Variants in ZNG1B observed in about 807,000 individuals in gnomAD.
ZNG1B encodes Zn regulated GTPase metalloprotein activator 1B.
the ZNG1B span, among the ~76,000 whole-genome samples, chr2:113,475,826 C>G: frequency 6.6e-6 from 1 of 152,178 alleles, no homozygotes; most frequent in African/African-American, 2.4e-5. Flanking sequence ...CCCCCACTCT[C>G]TTCTGGCTTG....
At chr2:113,471,049 G>A in the ZNG1B span, 13,023 of 1,583,284 alleles carry the variant, frequency 8.2e-3, 873 homozygotes, top group African/African-American at 0.16. Context: ...TCTCTCTAAT[G>A]TATTAGATCT....
chr2:113,446,696 G>A, the ZNG1B span, among the ~76,000 whole-genome samples: 6 of 151,318 alleles, frequency 4.0e-5, no homozygotes, highest in African/African-American at 9.7e-5. Flanking sequence ...GCGGTGAGCC[G>A]AGATCACGCC....
At chr2:113,481,813 G>GAATACTAGCAA in the ZNG1B span, 1 of 187,692 alleles carries the variant, frequency 5.3e-6, no homozygotes, top group Non-Finnish European at 1.1e-5. Context: ...GAAAGTTAAG[G>GAATACTAGCAA]AACTCTGAGC....
At chr2:113,458,410 T>G in the ZNG1B span, among the ~76,000 whole-genome samples, 1 of 151,994 alleles carries the variant, frequency 6.6e-6, no homozygotes, top group Admixed American at 6.6e-5. Flanking sequence ...CATTTATCTC[T>G]TCTGCTATAA....
the ZNG1B span, among the ~76,000 whole-genome samples, chr2:113,474,766 C>T: frequency 2.6e-5 from 4 of 152,100 alleles, no homozygotes; most frequent in Non-Finnish European, 5.9e-5. Context: ...CATTCAGGAG[C>T]AGGTTGTTCG....
the ZNG1B span, chr2:113,453,115 T>C: frequency 1.3e-6 from 2 of 1,563,828 alleles, no homozygotes; most frequent in East Asian, 2.2e-5. Flanking sequence ...ATATTTTTAT[T>C]TGATGAATAT....
chr2:113,477,348 A>G, the ZNG1B span, among the ~76,000 whole-genome samples: 1 of 152,118 alleles, frequency 6.6e-6, no homozygotes, highest in Non-Finnish European at 1.5e-5. Context: ...GCGCTTCCCA[A>G]GTGAGGCAAT....
At chr2:113,488,603 TA>T in the ZNG1B span, among the ~76,000 whole-genome samples, 35,416 of 126,936 alleles carry the variant, frequency 0.28, 4,468 homozygotes, top group East Asian at 0.54. Flanking sequence ...TGTAAAGATA[TA>T]AAAAAAAAAA....
At chr2:113,453,287 A>G in the ZNG1B span, 42 of 1,569,228 alleles carry the variant, frequency 2.7e-5, no homozygotes, top group Non-Finnish European at 3.5e-5. Context: ...TTTGTTGCCC[A>G]GACTGGAGTG....
chr2:113,467,513 G>A, the ZNG1B span, among the ~76,000 whole-genome samples: 4 of 96,672 alleles, frequency 4.1e-5, no homozygotes, highest in South Asian at 1.5e-3. Context: ...AGCATTTTAA[G>A]GACTATATAA....
the ZNG1B span, chr2:113,445,544 A>G: frequency 6.4e-6 from 1 of 155,102 alleles, no homozygotes; most frequent in African/African-American, 2.4e-5. Context: ...AATACAATGT[A>G]AGTGCTGTGT....
At chr2:113,483,295 G>T in the ZNG1B span, among the ~76,000 whole-genome samples, 4 of 151,352 alleles carry the variant, frequency 2.6e-5, no homozygotes, top group Admixed American at 2.6e-4. Context: ...ATAGAGCCTC[G>T]AATGAACCTC....
At chr2:113,487,006 A>G in the ZNG1B span, among the ~76,000 whole-genome samples, 1 of 144,238 alleles carries the variant, frequency 6.9e-6, no homozygotes, top group South Asian at 2.2e-4. Context: ...TAAAAAGTGC[A>G]TATTATTATT....
At chr2:113,440,665 T>C in the ZNG1B span, among the ~76,000 whole-genome samples, 3 of 151,000 alleles carry the variant, frequency 2.0e-5, no homozygotes, top group Admixed American at 6.6e-5. Flanking sequence ...ATAGCCTACA[T>C]GTAAAAGTTT....
chr2:113,447,284 A>C, the ZNG1B span: 1 of 67,092 alleles, frequency 1.5e-5, no homozygotes, highest in East Asian at 3.7e-4. Flanking sequence ...CCCATTTCTT[A>C]AAAAAAAAAA....
At chr2:113,476,308 A>G in the ZNG1B span, among the ~76,000 whole-genome samples, 1 of 151,380 alleles carries the variant, frequency 6.6e-6, no homozygotes, top group Non-Finnish European at 1.5e-5. Context: ...TGCATTCTTC[A>G]CGTAGTTCTT....
chr2:113,467,887 A>G, the ZNG1B span, among the ~76,000 whole-genome samples: 1 of 136,154 alleles, frequency 7.3e-6, no homozygotes, highest in Non-Finnish European at 1.5e-5. Flanking sequence ...AAAAAGTAGT[A>G]TGACTGAAGA....
chr2:113,473,187 G>A, the ZNG1B span, among the ~76,000 whole-genome samples: 2 of 151,880 alleles, frequency 1.3e-5, no homozygotes, highest in Admixed American at 1.3e-4. Flanking sequence ...AGTTCTCCTT[G>A]AAGAGGTCCT....
the ZNG1B span, chr2:113,445,023 T>C: frequency 6.2e-7 from 1 of 1,610,814 alleles, no homozygotes; most frequent in Non-Finnish European, 8.5e-7. Context: ...TTTGATTACA[T>C]ACTGTTAGAG....
Sources: allele counts gnomAD v4.1 joint callset (sites outside exome capture counted in the v4.1 genomes callset), GRCh38; gene constraint gnomAD v4.1.1; transcripts MANE v1.5; gene names NCBI Gene and HGNC (gene_info 2026-07-23, HGNC 2026-07-21).